KIF5B: variants seen among roughly 807,000 people sequenced by gnomAD.
KIF5B encodes the protein kinesin-1 heavy chain.
In KIF5B, 49 loss-of-function variants were observed where a neutral mutation model predicts 132.8. The observed-to-expected ratio is 0.37, with a 90% CI of 0.29 to 0.47. The LOEUF is 0.47. KIF5B is among the 20% of genes least tolerant of loss of function. The probability of loss-of-function intolerance (pLI) is 1.00; values close to 1 mark genes in which losing one functional copy is unlikely to be tolerated. For synonymous variants in KIF5B, 355 were observed against 369.4 expected (o/e 0.96, Z 0.45); for missense variants, 780 against 1,144.0 (o/e 0.68, Z 4.59).
chr10:32,038,067 A>G, intron 6 of KIF5B, 96 bp downstream of exon 6: 1 of 660,522 alleles, frequency 1.5e-6, no homozygotes, highest in Non-Finnish European at 2.6e-6. Context: ...CCGAGATTGC[A>G]CCACTGCACT....
intron 15 of KIF5B, among the ~76,000 whole-genome samples, chr10:32,027,985 T>C (rs911222158): frequency 6.6e-6 from 1 of 152,148 alleles, no homozygotes; most frequent in African/African-American, 2.4e-5. Flanking sequence ...ATTTTTTTTT[T>C]TTCTGGAGAC....
At chr10:32,048,848 T>C (rs1841650115) in intron 1 of KIF5B, among the ~76,000 whole-genome samples, 1 of 151,998 alleles carries the variant, frequency 6.6e-6, no homozygotes, top group Non-Finnish European at 1.5e-5. Context: ...TATTGCTGAG[T>C]GATTTTTATT....
At chr10:32,027,282 A>C (rs1841345206) in intron 15 of KIF5B, among the ~76,000 whole-genome samples, 1 of 152,132 alleles carries the variant, frequency 6.6e-6, no homozygotes, top group South Asian at 2.1e-4. Flanking sequence ...CAAATCTTTC[A>C]TGTTATATGC....
chr10:32,049,403 T>C (rs531623976), intron 1 of KIF5B, among the ~76,000 whole-genome samples: 1 of 152,136 alleles, frequency 6.6e-6, no homozygotes, highest in African/African-American at 2.4e-5. Context: ...AACTGAAAAA[T>C]ACGCAGCAAC....
intron 2 of KIF5B, among the ~76,000 whole-genome samples, chr10:32,043,158 C>T (rs1841563706): frequency 6.6e-6 from 1 of 152,128 alleles, no homozygotes; most frequent in African/African-American, 2.4e-5. Context: ...CATGTGCTAC[C>T]ATGCCCGGCT....
intron 14 of KIF5B, among the ~76,000 whole-genome samples, chr10:32,029,673 C>G (rs1199687493): frequency 1.3e-5 from 2 of 152,172 alleles, no homozygotes; most frequent in Non-Finnish European, 2.9e-5. Context: ...ATGCTAAACA[C>G]TAGGGATTTC....
intron 25 of KIF5B, among the ~76,000 whole-genome samples, chr10:32,014,383 C>T (rs1464667554): frequency 2.0e-5 from 3 of 150,658 alleles, no homozygotes; most frequent in African/African-American, 7.3e-5. Context: ...AAGAACGAGG[C>T]TCCGTCTCGG....
At chr10:32,055,572 G>C (rs1023593448) in intron 1 of KIF5B, among the ~76,000 whole-genome samples, 14 of 151,922 alleles carry the variant, frequency 9.2e-5, no homozygotes, top group Non-Finnish European at 1.5e-4. Context: ...CTTGCTGCCC[G>C]GACGTTCCTC....
At chr10:32,046,464 A>G (rs1841612218) in intron 2 of KIF5B, among the ~76,000 whole-genome samples, 1 of 152,152 alleles carries the variant, frequency 6.6e-6, no homozygotes, top group Non-Finnish European at 1.5e-5. Context: ...TCTCTCACCA[A>G]TACCATTACT....
chr10:32,044,179 T>A (rs1008528150), intron 2 of KIF5B, among the ~76,000 whole-genome samples: 3 of 152,066 alleles, frequency 2.0e-5, no homozygotes, highest in Non-Finnish European at 4.4e-5. Context: ...AGCACTTGGG[T>A]AAAGATAAAA....
intron 1 of KIF5B, among the ~76,000 whole-genome samples, chr10:32,049,069 T>A (rs1841652894): frequency 1.3e-5 from 2 of 152,156 alleles, no homozygotes; most frequent in South Asian, 2.1e-4. Context: ...GCTCAAGAGA[T>A]CCTCCTGCCT....
Position 32,034,852 on chromosome 10 carries a change from T to C in KIF5B, c.963-14A>G, listed in dbSNP as rs374452558. 8 of 1,555,658 alleles carry C rather than the reference T, an allele frequency of 5.1e-6. No homozygotes were observed. The highest frequency in any genetic ancestry group is 4.2e-5 in the African/African-American group (3 of 71,348). ...ATTGTTTTGGCCCTAAGAGATGTAA[T>C]TGGAGGAAAAAAAGGATGAGACTGA... On this transcript the variant is annotated splice_polypyrimidine_tract_variant and intron_variant, in intron 10 of 25. Transcript: ENST00000302418.
At chr10:32,019,819 G>T in intron 20 of KIF5B, 39 bp downstream of exon 20, 1 of 1,373,340 alleles carries the variant, frequency 7.3e-7, no homozygotes, top group East Asian at 2.3e-5. Context: ...CTCTAATTTA[G>T]CTTTTATTTT....
At chr10:32,031,020 G>A (rs1264618673) in intron 14 of KIF5B, 53 bp downstream of exon 14, 4 of 1,294,758 alleles carry the variant, frequency 3.1e-6, no homozygotes, top group African/African-American at 1.5e-5. Flanking sequence ...TAGTTTTTAG[G>A]TTAAGAATAC....
Position 32,021,279 on chromosome 10 carries a change from G to T in KIF5B, c.2041C>A (p.His681Asn). The T allele has an allele frequency of 6.2e-7, 1 of 1,611,076 alleles. No homozygotes were observed. The highest frequency in any genetic ancestry group is 8.5e-7 in the Non-Finnish European group (1 of 1,177,816). Residue 681 changes from histidine (H) to asparagine (N), a missense_variant, in exon 18 of 26, where the codon CAT (histidine) becomes AAT (asparagine). Around this residue, in one of 9 missense-constraint regions of KIF5B, gnomAD observed 471 missense variants for 569.9 expected, o/e 0.83. Transcript: ENST00000302418. ...LVQLRAQEKV[H>N]EMEKEHLNKV... ...TTTAAGTGCTCCTTTTCCATTTCATGGACTTTCTCTGTTTGAATAGAGAGA... is the reference window on the plus strand; with the variant it reads ...TTTAAGTGCTCCTTTTCCATTTCATTGACTTTCTCTGTTTGAATAGAGAGA...
At chr10:32,025,203 C>G (rs1370242154) in intron 15 of KIF5B, among the ~76,000 whole-genome samples, 2 of 152,212 alleles carry the variant, frequency 1.3e-5, no homozygotes, top group African/African-American at 4.8e-5. Context: ...TGATGTGGAA[C>G]AGCAGACTCT....
At chr10:32,034,078 T>C (rs773072212) in intron 11 of KIF5B, 40 bp from the exon 12 acceptor site, 1 of 1,271,446 alleles carries the variant, frequency 7.9e-7, no homozygotes, top group Non-Finnish European at 1.1e-6. Flanking sequence ...AAAAACGACG[T>C]CTAAAGCTAA....
At chr10:32,040,482 A>G in intron 2 of KIF5B, 25 bp from the exon 3 acceptor site, 2 of 1,396,838 alleles carry the variant, frequency 1.4e-6, no homozygotes, top group Non-Finnish European at 2.0e-6. Context: ...TTTATAGTTC[A>G]GGGGATTTTT....
At chr10:32,018,264 C>T in intron 22 of KIF5B, 52 bp downstream of exon 22, 1 of 1,455,458 alleles carries the variant, frequency 6.9e-7, no homozygotes. Context: ...AAATAATTAC[C>T]TAGAAGTAAG....
Sources: gnomAD v4.1 joint callset for allele counts (sites outside exome capture counted in the v4.1 genomes callset) on GRCh38, gnomAD v4.1.1 for gene constraint, gnomAD v4.1.1 regional missense constraint, MANE v1.5 for transcripts, NCBI Gene and HGNC (gene_info 2026-07-23, HGNC 2026-07-21) for gene names.